Variants in SLC24A2 observed in about 807,000 individuals in gnomAD.
The protein encoded by SLC24A2 is solute carrier family 24 member 2, also known as sodium/potassium/calcium exchanger 2.
In SLC24A2, 36 loss-of-function variants were observed where a neutral mutation model predicts 62.0. That is an observed-to-expected ratio of 0.58 (90% CI 0.44 to 0.77). The LOEUF (loss-of-function observed/expected upper bound fraction) is 0.77. Among genes scored for constraint, SLC24A2 ranks in the 30% least tolerant of loss-of-function variants. The pLI, the probability that SLC24A2 is intolerant of heterozygous loss-of-function variation, is 0.00. For synonymous variants in SLC24A2, 358 were observed against 294.0 expected (o/e 1.22, Z -2.23); for missense variants, 846 against 817.9 (o/e 1.03, Z -0.42).
chr9:20,015,744 C>A, the SLC24A2 span, among the ~76,000 whole-genome samples: 1 of 152,214 alleles, frequency 6.6e-6, no homozygotes, highest in Non-Finnish European at 1.5e-5. Flanking sequence ...ATAATGATAG[C>A]AGAGCTAACC....
At chr9:19,895,834 T>C in the SLC24A2 span, 1 of 1,606,264 alleles carries the variant, frequency 6.2e-7, no homozygotes, top group Non-Finnish European at 8.5e-7. Flanking sequence ...GAAGGACCGC[T>C]CCTCAGGGGT....
chr9:20,225,738 T>A, the SLC24A2 span, among the ~76,000 whole-genome samples: 3 of 150,632 alleles, frequency 2.0e-5, no homozygotes, highest in Non-Finnish European at 2.9e-5. Flanking sequence ...CTTTCATTGA[T>A]CTTTATTCCA....
At chr9:19,790,339 T>C (rs988496574), upstream of SLC24A2, among the ~76,000 whole-genome samples, 1 of 152,182 alleles carries the variant, frequency 6.6e-6, no homozygotes, top group Non-Finnish European at 1.5e-5. Context: ...TATGAACTCA[T>C]GGACAGTCAT....
chr9:19,989,686 C>T, the SLC24A2 span, among the ~76,000 whole-genome samples: 1 of 152,126 alleles, frequency 6.6e-6, no homozygotes. Flanking sequence ...TTCCCTCTCT[C>T]CCTTCTCTTG....
chr9:20,215,949 T>C, the SLC24A2 span, among the ~76,000 whole-genome samples: 1 of 152,182 alleles, frequency 6.6e-6, no homozygotes, highest in African/African-American at 2.4e-5. Context: ...TTAATTCAAG[T>C]CTGTGATGTT....
intron 2 of SLC24A2, among the ~76,000 whole-genome samples, chr9:19,672,545 T>C (rs1819450623): frequency 1.4e-5 from 2 of 146,782 alleles, no homozygotes; most frequent in Admixed American, 6.7e-5. Context: ...TTAGTTCTGC[T>C]CTGATTTCTG....
Position 19,785,994 on chromosome 9 carries a change from C to T in SLC24A2, c.873G>A (p.Lys291=). ...CGACCTTATTGCGGTTTATCATTTG[C>T]TTCACCCATTTTTCTACTTGGACGT... ...KFNVQVEKWV[K]QMINRNKVVK... Residue 291 remains lysine (K), a synonymous_variant, in exon 2 of 11, where the codon AAG becomes AAA. Transcript: ENST00000341998. 1.2e-6 allele frequency: 2 copies of T among 1,614,168 alleles called. No homozygotes were observed. The highest frequency in any genetic ancestry group is 1.1e-5 in the South Asian group (1 of 91,090).
the SLC24A2 span, among the ~76,000 whole-genome samples, chr9:20,085,764 C>A: frequency 6.6e-6 from 1 of 152,154 alleles, no homozygotes; most frequent in South Asian, 2.1e-4. Flanking sequence ...ATAATAGTTT[C>A]CAAAATTTTT....
intron 2 of SLC24A2, among the ~76,000 whole-genome samples, chr9:19,654,216 C>A (rs958067070): frequency 6.6e-6 from 1 of 152,138 alleles, no homozygotes; most frequent in African/African-American, 2.4e-5. Flanking sequence ...TTTGATATCC[C>A]GCTCTTCCAC....
At chr9:20,273,301 C>G in the SLC24A2 span, among the ~76,000 whole-genome samples, 3 of 152,280 alleles carry the variant, frequency 2.0e-5, no homozygotes, top group Admixed American at 1.3e-4. Flanking sequence ...TTATAAAACC[C>G]TCATGCAACA....
chr9:20,306,271 G>A, the SLC24A2 span, among the ~76,000 whole-genome samples: 9 of 152,084 alleles, frequency 5.9e-5, no homozygotes, highest in African/African-American at 1.4e-4. Flanking sequence ...AAATAACCAC[G>A]AAATTGGCAA....
intron 8 of SLC24A2, among the ~76,000 whole-genome samples, chr9:19,531,849 G>A (rs1350850557): frequency 6.6e-6 from 1 of 152,074 alleles, no homozygotes; most frequent in South Asian, 2.1e-4. Flanking sequence ...TGTAAAATGG[G>A]AGAAATAACA....
the SLC24A2 span, among the ~76,000 whole-genome samples, chr9:20,198,130 A>AG: frequency 6.6e-6 from 1 of 152,186 alleles, no homozygotes; most frequent in African/African-American, 2.4e-5. Context: ...CCAGGGATTG[A>AG]GGGGGTGAGA....
At chr9:20,273,756 C>A in the SLC24A2 span, among the ~76,000 whole-genome samples, 1 of 152,162 alleles carries the variant, frequency 6.6e-6, no homozygotes, top group African/African-American at 2.4e-5. Context: ...TGGACTAATA[C>A]ACCAAGTTTC....
At chr9:19,689,361 T>G (rs1217416342) in intron 2 of SLC24A2, among the ~76,000 whole-genome samples, 2 of 152,164 alleles carry the variant, frequency 1.3e-5, no homozygotes, top group Non-Finnish European at 2.9e-5. Flanking sequence ...TTAACTCAAT[T>G]TAGTCTCAAT....
At chr9:20,096,435 G>A in the SLC24A2 span, among the ~76,000 whole-genome samples, 1 of 152,072 alleles carries the variant, frequency 6.6e-6, no homozygotes, top group African/African-American at 2.4e-5. Flanking sequence ...TGTTCTCCAT[G>A]TCAATTATCT....
chr9:19,674,933 G>A (rs1227300722), intron 2 of SLC24A2, among the ~76,000 whole-genome samples: 1 of 152,134 alleles, frequency 6.6e-6, no homozygotes, highest in Non-Finnish European at 1.5e-5. Flanking sequence ...AAAGAACCTT[G>A]TTTTGTCATA....
At chr9:20,004,220 C>T in the SLC24A2 span, among the ~76,000 whole-genome samples, 1 of 152,172 alleles carries the variant, frequency 6.6e-6, no homozygotes, top group Non-Finnish European at 1.5e-5. Flanking sequence ...TGCTTCATAA[C>T]CTTTGCTTCC....
chr9:19,564,956 C>T (rs908798008), intron 7 of SLC24A2, among the ~76,000 whole-genome samples: 3 of 151,964 alleles, frequency 2.0e-5, no homozygotes, highest in African/African-American at 7.3e-5. Context: ...TAAGAAAATG[C>T]TGGGTTCTGG....
Sources: allele counts gnomAD v4.1 joint callset (sites outside exome capture counted in the v4.1 genomes callset), GRCh38; gene constraint gnomAD v4.1.1; transcripts MANE v1.5; gene names NCBI Gene and HGNC (gene_info 2026-07-23, HGNC 2026-07-21).